Variants in PAM observed in about 807,000 individuals in gnomAD.
PAM encodes the protein peptidylglycine alpha-amidating monooxygenase.
A neutral mutation model predicts 122.1 loss-of-function variants in PAM; 72 were observed. The ratio of observed to expected loss-of-function variants is 0.59; its 90% CI spans 0.49 to 0.72. The LOEUF (loss-of-function observed/expected upper bound fraction) is 0.72, where lower values mean the gene tolerates loss of function less well. PAM is among the 30% of genes least tolerant of loss of function. The pLI is 0.00. For synonymous variants in PAM, 389 were observed against 404.4 expected (o/e 0.96, Z 0.46); for missense variants, 1,106 against 1,183.7 (o/e 0.93, Z 0.96).
At chr5:102,980,345 A>G (rs1322640229) in intron 15 of PAM, among the ~76,000 whole-genome samples, 4 of 152,172 alleles carry the variant, frequency 2.6e-5, no homozygotes, top group Non-Finnish European at 5.9e-5. Flanking sequence ...TCTATCATCA[A>G]AAGTGTTTAA....
At chr5:102,966,667 A>G (rs923021711) in intron 14 of PAM, among the ~76,000 whole-genome samples, 2 of 152,168 alleles carry the variant, frequency 1.3e-5, no homozygotes, top group African/African-American at 4.8e-5. Flanking sequence ...TAAATTCTAA[A>G]AAGAGATGCT....
chr5:103,003,242 AC>A, intron 17 of PAM, 93 bp downstream of exon 17: 1 of 608,238 alleles, frequency 1.6e-6, no homozygotes, highest in Non-Finnish European at 3.0e-6. Flanking sequence ...GTTTTGTATA[AC>A]TGCACTTGAG....
chr5:102,982,722 A>T (rs1770326709), intron 15 of PAM, among the ~76,000 whole-genome samples: 1 of 152,162 alleles, frequency 6.6e-6, no homozygotes, highest in Non-Finnish European at 1.5e-5. Flanking sequence ...ATAAAGAAAA[A>T]CATTTTTCCT....
At chr5:103,018,999 C>T (rs936698860) in intron 22 of PAM, among the ~76,000 whole-genome samples, 4 of 152,194 alleles carry the variant, frequency 2.6e-5, no homozygotes, top group Non-Finnish European at 4.4e-5. Flanking sequence ...GGAGGCAGAG[C>T]TCAGGTGGTT....
intron 1 of PAM, among the ~76,000 whole-genome samples, chr5:102,828,690 A>G (rs1774402879): frequency 1.3e-5 from 2 of 152,212 alleles, no homozygotes; most frequent in Non-Finnish European, 2.9e-5. Flanking sequence ...GTTTAGTTTC[A>G]TGGTTCATGG....
At chr5:102,909,639 C>A (rs1285871659) in intron 4 of PAM, among the ~76,000 whole-genome samples, 1 of 151,826 alleles carries the variant, frequency 6.6e-6, no homozygotes, top group Non-Finnish European at 1.5e-5. Flanking sequence ...CGAGAAGGGA[C>A]TCATCTAGAT....
intron 3 of PAM, among the ~76,000 whole-genome samples, chr5:102,869,320 T>C (rs1009172883): frequency 1.3e-5 from 2 of 152,240 alleles, no homozygotes; most frequent in African/African-American, 4.8e-5. Flanking sequence ...TAGGGTCTGC[T>C]GAATTCATGA....
At chr5:102,877,926 A>C (rs1000737454) in intron 3 of PAM, among the ~76,000 whole-genome samples, 2 of 152,010 alleles carry the variant, frequency 1.3e-5, no homozygotes, top group Admixed American at 6.6e-5. Context: ...GCTACTCAGG[A>C]GGCTGTGACA....
rs147065045 is a variant in PAM at position 102,779,918 on chromosome 5, T to TATATATATACACACACACAC, written c.-374+24571_-374+24572insTATATATACACACACACACA. On this transcript the variant is annotated intron_variant, in intron 1 of 25. Transcript: ENST00000438793. The stretch of plus-strand genomic sequence containing the variant: ...ATATATATATATATATATATATATA[T>TATATATATACACACACACAC]ACACACATATATATATGTATATATC... Among the ~76,000 whole-genome samples the TATATATATACACACACACAC allele has an allele frequency of 1.4e-3, 130 of 95,624 alleles. 1 individual carries two copies. Among genetic ancestry groups the TATATATATACACACACACAC allele is most frequent in the African/African-American group, 5.7e-3 (125 of 22,042 alleles). The allele number at this position is 95,624 out of a possible 152,430, so 62.7% of individuals were successfully genotyped here.
chr5:102,872,196 T>C lies in PAM; in HGVS notation c.210+4803T>C, dbSNP rs147687548. Reference sequence around the variant, plus strand: ...TTTAAAGGACTCTTCAGATCATGCATTGAAATCAGAAAGCAGCCTATCCCT... The same window carrying C: ...TTTAAAGGACTCTTCAGATCATGCACTGAAATCAGAAAGCAGCCTATCCCT... On this transcript the variant is annotated intron_variant, in intron 3 of 25. Transcript: ENST00000438793. 5.9e-5 allele frequency among the ~76,000 whole-genome samples: 9 copies of C among 152,300 alleles called. No homozygotes were observed. In the East Asian group the frequency reaches 1.4e-3, roughly 23 times the overall value.
At chr5:102,900,728 C>G (rs1017144186) in intron 3 of PAM, among the ~76,000 whole-genome samples, 5 of 151,480 alleles carry the variant, frequency 3.3e-5, no homozygotes, top group Admixed American at 1.3e-4. Flanking sequence ...TCTCATTCTC[C>G]TTAAATTGTA....
At chr5:103,007,680 T>C in intron 20 of PAM, 23 bp downstream of exon 20, 1 of 1,421,182 alleles carries the variant, frequency 7.0e-7, no homozygotes, top group Non-Finnish European at 9.9e-7. Flanking sequence ...AATATGTTTG[T>C]TGTCTTCTGT....
intron 7 of PAM, among the ~76,000 whole-genome samples, chr5:102,929,013 G>A (rs946762863): frequency 2.0e-5 from 3 of 152,032 alleles, no homozygotes; most frequent in African/African-American, 7.2e-5. Flanking sequence ...TAAAATTCAT[G>A]TATGCTTACC....
chr5:102,776,896 G>T (rs1474297953), intron 1 of PAM, among the ~76,000 whole-genome samples: 1 of 151,960 alleles, frequency 6.6e-6, no homozygotes. Context: ...TTCATATTTA[G>T]TGGTGTTTTT....
At chr5:102,850,472 T>C (rs966228247) in intron 1 of PAM, among the ~76,000 whole-genome samples, 3 of 152,220 alleles carry the variant, frequency 2.0e-5, no homozygotes, top group Non-Finnish European at 4.4e-5. Flanking sequence ...AATTTCTAAA[T>C]TTAAGTCCCT....
rs74932243 is a variant in PAM, at chr5:102,944,617, A to G, written c.527-2220A>G. On this transcript the variant is annotated intron_variant, in intron 7 of 25. Transcript: ENST00000438793. ...TCCCGTCGAACTGACTTCAAGCCCAAAACTCAGAAAAAAAATAAGGTTGTC... is the reference window on the plus strand; with the variant it reads ...TCCCGTCGAACTGACTTCAAGCCCAGAACTCAGAAAAAAAATAAGGTTGTC... 1.7e-3 allele frequency among the ~76,000 whole-genome samples: 254 copies of G among 152,218 alleles called. 4 individuals are homozygous for G. The East Asian group carries it at 0.035, about 21-fold the overall frequency.
chr5:103,015,516 A>G (rs1004078489), intron 21 of PAM, among the ~76,000 whole-genome samples: 10 of 152,138 alleles, frequency 6.6e-5, no homozygotes, highest in African/African-American at 2.4e-4. Context: ...CTCTAAAAAT[A>G]CTAAAGCTTG....
intron 7 of PAM, among the ~76,000 whole-genome samples, chr5:102,939,524 G>A (rs575415452): frequency 3.3e-5 from 5 of 152,056 alleles, no homozygotes; most frequent in Non-Finnish European, 5.9e-5. Flanking sequence ...AATTCCAAGG[G>A]AATGTTGAGA....
chr5:102,954,560 A>G (rs1760099820), intron 12 of PAM, among the ~76,000 whole-genome samples: 2 of 151,854 alleles, frequency 1.3e-5, no homozygotes, highest in Non-Finnish European at 2.9e-5. Flanking sequence ...TATGAATAAT[A>G]TAGCCTAAAT....
Sources: allele counts gnomAD v4.1 joint callset (sites outside exome capture counted in the v4.1 genomes callset), GRCh38; gene constraint gnomAD v4.1.1; transcripts MANE v1.5; gene names NCBI Gene and HGNC (gene_info 2026-07-23, HGNC 2026-07-21).